The following USP34 variants were observed in gnomAD, a reference collection of about 807,000 sequenced individuals.
USP34 encodes ubiquitin carboxyl-terminal hydrolase 34.
USP34 carries 70 observed loss-of-function variants against 460.3 expected under a neutral mutation model. The ratio of observed to expected loss-of-function variants is 0.15; its 90% CI spans 0.13 to 0.19. USP34 has a LOEUF of 0.19. USP34 is among the 10% of genes least tolerant of loss of function. USP34 has a pLI of 1.00. For missense variants in USP34, 3,985 were observed against 4,236.2 expected, an observed-to-expected ratio of 0.94 and a Z score of 1.65; for synonymous variants, 1,647 against 1,405.3, an observed-to-expected ratio of 1.17 and a Z score of -3.85.
At position 61,350,462 on chromosome 2, in the gene USP34, A is replaced by C. The variant is rs1691911846; in HGVS notation, c.1378-73T>G. On this transcript the variant is annotated intron_variant, in intron 11 of 79. Coordinates refer to ENST00000398571, the MANE Select transcript of USP34 (RefSeq NM_014709.4). ...TAACAAATTTAATATCCTTTTTGTC[A>C]AACTGAAATGCCAAGACAATAAAAT... 1.9e-6 allele frequency: 3 copies of C among 1,569,622 alleles called. No homozygotes were observed. In the African/African-American group the frequency reaches 4.1e-5, roughly 22 times the overall value.
chr2:61,323,740 T>TA (rs927503077), intron 21 of USP34, among the ~76,000 whole-genome samples: 1 of 152,196 alleles, frequency 6.6e-6, no homozygotes, highest in Non-Finnish European at 1.5e-5. Context: ...ATATGAAACT[T>TA]AAATGTTCAT....
intron 5 of USP34, among the ~76,000 whole-genome samples, chr2:61,387,998 G>A (rs1382202532): frequency 2.0e-5 from 3 of 151,334 alleles, no homozygotes; most frequent in Non-Finnish European, 4.4e-5. Flanking sequence ...CAGGTGGAGT[G>A]GCTCATGCCT....
intron 47 of USP34, 33 bp from the exon 48 acceptor site, chr2:61,256,511 T>G: frequency 6.7e-7 from 1 of 1,485,560 alleles, no homozygotes. Context: ...AAGTTTCATA[T>G]TATTGTTTAT....
chr2:61,431,578 G>A (rs564110553), intron 1 of USP34, among the ~76,000 whole-genome samples: 9 of 152,288 alleles, frequency 5.9e-5, no homozygotes, highest in South Asian at 2.1e-4. Flanking sequence ...GAGGCTGGCC[G>A]GGCGTGGTGG....
chr2:61,276,215 G>T (rs1380692172), intron 41 of USP34, among the ~76,000 whole-genome samples: 1 of 152,160 alleles, frequency 6.6e-6, no homozygotes, highest in East Asian at 1.9e-4. Flanking sequence ...AGTGTAAAAT[G>T]ATGTATCCTT....
chr2:61,211,187 C>A (rs1307451891), intron 69 of USP34, among the ~76,000 whole-genome samples: 1 of 151,734 alleles, frequency 6.6e-6, no homozygotes, highest in Non-Finnish European at 1.5e-5. Context: ...AAAAAATGTG[C>A]CTAATAAAAA....
intron 1 of USP34, among the ~76,000 whole-genome samples, chr2:61,445,237 A>AG (rs1695076224): frequency 6.7e-6 from 1 of 149,786 alleles, no homozygotes. Context: ...AAAAAAAAAA[A>AG]AAAAAAAAAA....
intron 57 of USP34, among the ~76,000 whole-genome samples, chr2:61,235,584 A>C (rs1688044323): frequency 2.6e-5 from 4 of 152,046 alleles, no homozygotes; most frequent in South Asian, 4.1e-4. Flanking sequence ...TTAGCTTCCT[A>C]AGGTGCTGGG....
intron 29 of USP34, among the ~76,000 whole-genome samples, chr2:61,299,622 G>A (rs1033484118): frequency 1.3e-5 from 2 of 152,104 alleles, no homozygotes; most frequent in African/African-American, 4.8e-5. Flanking sequence ...ACATTGGCAT[G>A]CACCTGGAGT....
intron 10 of USP34, 151 bp from the exon 11 acceptor site, chr2:61,350,844 A>AT: frequency 1.4e-6 from 1 of 697,030 alleles, no homozygotes; most frequent in Non-Finnish European, 2.2e-6. Flanking sequence ...AAGATGATGA[A>AT]TGGCAGTGCA....
intron 15 of USP34, 121 bp from the exon 16 acceptor site, chr2:61,344,150 T>G: frequency 1.2e-6 from 1 of 843,936 alleles, no homozygotes; most frequent in Non-Finnish European, 1.8e-6. Context: ...ATCTGCTTAT[T>G]AACAATATGG....
intron 2 of USP34, among the ~76,000 whole-genome samples, chr2:61,418,783 AGCACAATTAAGAGTAT>A (rs929899842): frequency 2.0e-5 from 3 of 152,316 alleles, no homozygotes; most frequent in Admixed American, 6.5e-5. Flanking sequence ...CCCTTCTATC[AGCACAATTAAGAGTAT>A]GCACAATTAA....
chr2:61,387,928 T>TACACAC (rs36116916), intron 5 of USP34, among the ~76,000 whole-genome samples: 11,309 of 142,378 alleles, frequency 0.079, 554 homozygotes, highest in East Asian at 0.19. Context: ...AATATATTTA[T>TACACAC]ACACACACAC....
intron 2 of USP34, among the ~76,000 whole-genome samples, chr2:61,413,778 G>A (rs1456506010): frequency 3.4e-5 from 5 of 145,904 alleles, no homozygotes; most frequent in Non-Finnish European, 7.5e-5. Context: ...AGGAGCTCGA[G>A]CCCAGCCTGG....
rs112778205 is a variant in USP34, at chr2:61,423,271, G to A, written c.44-2438C>T. 2.6e-5 allele frequency among the ~76,000 whole-genome samples: 4 copies of A among 151,984 alleles called. No individual in the cohort carries two copies. In the East Asian group the frequency reaches 5.8e-4, roughly 22 times the overall value. On this transcript the variant is annotated intron_variant, in intron 1 of 79. Transcript: ENST00000398571. ...TGGGATTACAGGTGCCCACCATCAC[G>A]CCTGGCTAGTTTTTGTATTTTGTAG...
intron 51 of USP34, among the ~76,000 whole-genome samples, chr2:61,242,266 A>C (rs1460524630): frequency 6.6e-6 from 1 of 152,158 alleles, no homozygotes; most frequent in African/African-American, 2.4e-5. Flanking sequence ...TTATTCTGAC[A>C]TGTCAAAACA....
chr2:61,222,197 T>C (rs1266355924), intron 65 of USP34, among the ~76,000 whole-genome samples: 1 of 152,244 alleles, frequency 6.6e-6, no homozygotes, highest in Non-Finnish European at 1.5e-5. Flanking sequence ...TAATTTATAG[T>C]AATGTTTGAC....
chr2:61,189,266 TTTTTTG>T (rs1177594591), intron 78 of USP34, 197 bp from the exon 79 acceptor site: 6 of 553,814 alleles, frequency 1.1e-5, no homozygotes, highest in East Asian at 6.8e-5. Flanking sequence ...GTTGTTTTTT[TTTTTTG>T]TTTTGTTTTT....
intron 42 of USP34, 97 bp downstream of exon 42, chr2:61,265,887 G>C: frequency 1.8e-6 from 2 of 1,140,316 alleles, no homozygotes; most frequent in Non-Finnish European, 2.4e-6. Flanking sequence ...TAATGTTAAA[G>C]TGTGTGAAGA....
Sources: allele counts gnomAD v4.1 joint callset (sites outside exome capture counted in the v4.1 genomes callset), GRCh38; gene constraint gnomAD v4.1.1; transcripts MANE v1.5; gene names NCBI Gene and HGNC (gene_info 2026-07-23, HGNC 2026-07-21).